MTCH1: variants seen among roughly 807,000 people sequenced by gnomAD.
The protein encoded by MTCH1 is mitochondrial carrier 1.
MTCH1 carries 23 observed loss-of-function variants against 49.3 expected under a neutral mutation model. The observed-to-expected ratio is 0.47, with a 90% CI of 0.34 to 0.66. The LOEUF is 0.66. MTCH1 is among the 30% of genes least tolerant of loss of function. MTCH1 has a pLI of 0.01. For missense variants in MTCH1, 397 were observed against 532.1 expected (o/e 0.75, Z 2.50); for synonymous variants, 229 against 215.2 (o/e 1.06, Z -0.56).
rs1320634062 is a variant in MTCH1 at position 36,985,934 on chromosome 6, G to C, written c.240C>G (p.Thr80=). The C allele has an allele frequency of 1.3e-6, 2 of 1,552,700 alleles. No individual in the cohort carries two copies. The highest frequency in any genetic ancestry group is 4.8e-5 in the East Asian group (2 of 41,326). ...GGLGSGDNAP[T]TEALFVALGA... ...CCAGTGCCACGAAAAGAGCCTCAGT[G>C]GTCGGGGCGTTGTCCCCAGACCCCA... The change falls in exon 1 of 12, where the codon ACC becomes ACG. Residue 80 remains threonine (T), a synonymous_variant. Coordinates refer to ENST00000373627, the MANE Select transcript of MTCH1 (RefSeq NM_001271641.2).
At position 36,969,395 on chromosome 6, in the gene MTCH1, C is replaced by T. The variant is rs902468031; in HGVS notation, c.1099-421G>A. The T allele has an allele frequency of 9.3e-6, 10 of 1,078,184 alleles. No individual in the cohort carries two copies. The African/African-American group carries it at 1.0e-4, about 11-fold the overall frequency. 66.8% of individuals were successfully genotyped at this position (1,078,184 alleles called of 1,614,324 possible). On this transcript the variant is annotated intron_variant, in intron 11 of 11. Transcript: ENST00000373627. ...GGCCACTCAGAGTTCTGGCTCCCTC[C>T]GGGCCACTGCCCCATTTCACTGCGA...
intron 8 of MTCH1, among the ~76,000 whole-genome samples, chr6:36,971,338 A>C (rs968462255): frequency 1.3e-5 from 2 of 152,166 alleles, no homozygotes; most frequent in African/African-American, 4.8e-5. Flanking sequence ...AAAGCACTCG[A>C]AAAACACTTT....
At chr6:36,969,954 A>G in intron 11 of MTCH1, 85 bp downstream of exon 11, 1 of 1,570,386 alleles carries the variant, frequency 6.4e-7, no homozygotes, top group Non-Finnish European at 8.6e-7. Flanking sequence ...TTATCTTTGC[A>G]TGCAATGAAG....
At chr6:36,986,360 G>C (rs1184472072), upstream of MTCH1, 1 of 476,194 alleles carries the variant, frequency 2.1e-6, no homozygotes, top group Non-Finnish European at 3.3e-6. Flanking sequence ...TGGGCTGCGG[G>C]CCGGGGGTCA....
Position 36,986,000 on chromosome 6 carries a change from A to C in MTCH1, c.174T>G (p.Ala58=). Residue 58 remains alanine (A), a synonymous_variant, in exon 1 of 12, where the codon GCT becomes GCG. Coordinates refer to ENST00000373627, the MANE Select transcript of MTCH1 (RefSeq NM_001271641.2). ...CATCCATCCTGCGGGCCGAGGGCTG[A>C]GCCGCAGGCCGAGGGTGGCGAGGAT... ...RAHPRHPRPA[A]QPSARRMDGG... is the part of the protein sequence containing the mutation. The C allele has an allele frequency of 6.5e-7, 1 of 1,537,394 alleles. No homozygotes were observed. Among genetic ancestry groups the C allele is most frequent in the Non-Finnish European group, 8.8e-7 (1 of 1,142,762 alleles).
At position 36,982,314 on chromosome 6, in the gene MTCH1, C is replaced by T. The variant is rs1241350362; in HGVS notation, c.322-642G>A. ...TACATCCCTGTGACAAAACGACCCC[C>T]TCATTTCTGTAGGGCTATGATAGTT... On this transcript the variant is annotated intron_variant, in intron 1 of 11. Coordinates refer to ENST00000373627, the MANE Select transcript of MTCH1 (RefSeq NM_001271641.2). The surrounding 1 kb of genome is among the most constrained non-coding windows in gnomAD (Gnocchi z 4.1). Among the ~76,000 whole-genome samples the T allele has an allele frequency of 3.3e-5, 5 of 152,182 alleles. No individual in the cohort carries two copies. The highest frequency in any genetic ancestry group is 2.6e-4 in the Admixed American group (4 of 15,272).
intron 10 of MTCH1, 38 bp from the exon 11 acceptor site, chr6:36,970,152 G>A (rs1583247110): frequency 1.9e-6 from 3 of 1,603,246 alleles, no homozygotes; most frequent in Non-Finnish European, 2.6e-6. Flanking sequence ...GAGAACAGTG[G>A]AAGACAGCCA....
Position 36,977,256 on chromosome 6 carries a change from G to GA in MTCH1, c.650-7dup. Reference sequence around the variant, plus strand: ...CATGCAGCGCATTGAGATGACTGAGGAAAAAAAAGAAAACACACACAGGTG... The same window carrying GA: ...CATGCAGCGCATTGAGATGACTGAGGAAAAAAAAAGAAAACACACACAGGTG... On this transcript the variant is annotated splice_region_variant and splice_polypyrimidine_tract_variant and intron_variant, in intron 5 of 11. Transcript: ENST00000373627. This position sits in a 1 kb window ranked among gnomAD's most constrained non-coding sequence, Gnocchi z 5.4. 2.5e-6 allele frequency: 4 copies of GA among 1,612,558 alleles called. No homozygotes were observed. The highest frequency in any genetic ancestry group is 2.5e-6 in the Non-Finnish European group (3 of 1,179,068).
chr6:36,968,937 C>G lies in MTCH1; in HGVS notation c.1136G>C (p.Arg379Pro). Residue 379 changes from arginine (R) to proline (P), a missense_variant, in exon 12 of 12, where the codon CGG (arginine) becomes CCG (proline). By Grantham distance (103) the Arg-to-Pro change is moderately radical. This residue lies in a region of MTCH1 where 252 missense variants were observed against 388.3 expected (regional missense o/e 0.65). Coordinates refer to ENST00000373627, the MANE Select transcript of MTCH1 (RefSeq NM_001271641.2). ...GGCAAAGCATGATCCTGATGACACC[C>G]GGCGGAAAAGCAGGCTGGAGCCTCG... is the stretch of plus-strand genomic sequence containing the variant. ...LFRGSSLLFR[R>P]VSSGSCFALE The G allele has an allele frequency of 6.2e-7, 1 of 1,614,062 alleles. No individual in the cohort carries two copies. The highest frequency in any genetic ancestry group is 1.7e-4 in the Middle Eastern group (1 of 6,060).
rs2150756171 is a variant in MTCH1, at chr6:36,986,165, A to G, written c.9T>C (p.Ala3=). The change falls in exon 1 of 12, where the codon GCT becomes GCC. Residue 3 remains alanine, a synonymous_variant. Coordinates refer to ENST00000373627, the MANE Select transcript of MTCH1 (RefSeq NM_001271641.2). MG[A]SDPEVAPWAR... ...CCCAGGGCGCCACTTCCGGGTCCGA[A>G]GCTCCCATGGCGCCCGGCGGCGAGG... The G allele has an allele frequency of 7.0e-7, 1 of 1,433,002 alleles. No individual in the cohort carries two copies. Among genetic ancestry groups the G allele is most frequent in the Non-Finnish European group, 9.1e-7 (1 of 1,101,490 alleles). 88.8% of individuals were successfully genotyped at this position (1,433,002 alleles called of 1,614,324 possible).
At position 36,970,086 on chromosome 6, in the gene MTCH1, G is replaced by T. The variant is rs781477169; in HGVS notation, c.1051C>A (p.Pro351Thr). The T allele has an allele frequency of 4.3e-6, 7 of 1,614,168 alleles. No individual in the cohort carries two copies. The highest frequency in any genetic ancestry group is 5.9e-6 in the Non-Finnish European group (7 of 1,180,020). Reference protein sequence around the residue: ...GLQAGLPPYSPVFKSWIHCWK... With the variant: ...GLQAGLPPYSTVFKSWIHCWK... ...CAGTGAATCCAGGATTTGAACACTG[G>T]GGAGTAAGGGGGGAGCCCAGCTTGC... Residue 351 changes from proline to threonine, a missense_variant, in exon 11 of 12, where the codon CCA (proline) becomes ACA (threonine). Physicochemically the swap from Pro to Thr is conservative, Grantham distance 38 (BLOSUM62 -1). Transcript: ENST00000373627.
Position 36,977,027 on chromosome 6 carries a change from G to A in MTCH1, c.701+172C>T, listed in dbSNP as rs556092151. The stretch of plus-strand genomic sequence containing the variant: ...TGATAAGAGATGACGAAGAGAAAAT[G>A]ACCCTGGACAGACTATTGAAGCCAC... On this transcript the variant is annotated intron_variant, in intron 6 of 11. Transcript: ENST00000373627. This position sits in a 1 kb window ranked among gnomAD's most constrained non-coding sequence, Gnocchi z 5.4. 2.6e-5 allele frequency among the ~76,000 whole-genome samples: 4 copies of A among 152,174 alleles called. No individual in the cohort carries two copies. The highest frequency in any genetic ancestry group is 5.9e-5 in the Non-Finnish European group (4 of 68,034).
chr6:36,985,729 ACCCGCCGTCCCC>A, intron 1 of MTCH1, 112 bp downstream of exon 1: 1 of 560,572 alleles, frequency 1.8e-6, no homozygotes, highest in Admixed American at 3.3e-5. Context: ...GGCCCCCCAA[ACCCGCCGTCCCC>A]ACCCCTCTCC....
At chr6:36,970,378 A>G in intron 10 of MTCH1, 28 bp downstream of exon 10, 2 of 1,612,956 alleles carry the variant, frequency 1.2e-6, no homozygotes, top group Non-Finnish European at 1.7e-6. Flanking sequence ...TGGTAGGTAG[A>G]GTGGCAAGTA....
chr6:36,970,045 A>C lies in MTCH1; in HGVS notation c.1092T>G (p.Ser364Arg), dbSNP rs1231975689. ...CCGTCCAGTGCTTGCTCACCTGCAC[A>C]CTCAGGTACTTCCAGCAGTGAATCC... ...KSWIHCWKYL[S>R]VQGQLFRGSS... Residue 364 changes from serine to arginine, a missense_variant, in exon 11 of 12, where the codon AGT becomes AGG. By Grantham distance (110) the Ser-to-Arg change is moderately radical (BLOSUM62 -1). Coordinates refer to ENST00000373627, the MANE Select transcript of MTCH1 (RefSeq NM_001271641.2). The C allele has an allele frequency of 2.5e-6, 4 of 1,614,006 alleles. No homozygotes were observed. The Admixed American group carries it at 6.7e-5, about 27-fold the overall frequency.
At chr6:36,975,038 G>A (rs1009805767) in intron 7 of MTCH1, among the ~76,000 whole-genome samples, 1 of 152,200 alleles carries the variant, frequency 6.6e-6, no homozygotes, top group Non-Finnish European at 1.5e-5. Flanking sequence ...TGGATGTGAC[G>A]TGACGAAGTA....
In MTCH1 at chr6:36,981,618, C is replaced by A; in HGVS notation, c.376G>T (p.Val126Phe). 6.2e-7 allele frequency: 1 copy of A among 1,614,008 alleles called. No homozygotes were observed. Among genetic ancestry groups the A allele is most frequent in the Non-Finnish European group, 8.5e-7 (1 of 1,179,956 alleles). The change falls in exon 2 of 12, where the codon GTC becomes TTC. Residue 126 changes from valine (V) to phenylalanine (F), a missense_variant. By Grantham distance (50) the Val-to-Phe change is conservative (BLOSUM62 -1). Around this residue, in one of 2 missense-constraint regions of MTCH1, gnomAD observed 252 missense variants for 388.3 expected, o/e 0.65. Coordinates refer to ENST00000373627, the MANE Select transcript of MTCH1 (RefSeq NM_001271641.2). ...TLGTNVLGRK[V>F]LYLPSFFTYA... ...GTGAAGAAGCTCGGCAGATAGAGGA[C>A]CTTCCTCCCCAGCACATTGGTCCCA...
upstream of MTCH1, chr6:36,986,271 G>A: frequency 8.7e-7 from 1 of 1,145,682 alleles, no homozygotes; most frequent in Non-Finnish European, 1.1e-6. Flanking sequence ...CCAGGCCGCG[G>A]GGGAGCTCGG....
At chr6:36,985,027 C>T (rs982326687) in intron 1 of MTCH1, among the ~76,000 whole-genome samples, 1 of 151,738 alleles carries the variant, frequency 6.6e-6, no homozygotes, top group African/African-American at 2.4e-5. Context: ...GCTCCCCTCT[C>T]TAGACAAATC....
Sources: gnomAD v4.1 joint callset for allele counts (sites outside exome capture counted in the v4.1 genomes callset) on GRCh38, gnomAD v4.1.1 for gene constraint, gnomAD v4.1.1 regional missense constraint, Gnocchi (gnomAD v3.1) non-coding constraint, MANE v1.5 for transcripts, NCBI Gene and HGNC (gene_info 2026-07-23, HGNC 2026-07-21) for gene names.